The following RSPH3 variants were observed in gnomAD, a reference collection of about 807,000 sequenced individuals.
RSPH3 encodes radial spoke head 3, also known as radial spoke head protein 3 homolog.
In RSPH3, 21 loss-of-function variants were observed where a neutral mutation model predicts 43.8. The observed-to-expected ratio is 0.48, with a 90% CI of 0.34 to 0.69. The LOEUF (loss-of-function observed/expected upper bound fraction) is 0.69, where lower values mean the gene tolerates loss of function less well. Ranked by LOEUF, RSPH3 falls within the 30% of genes least tolerant of loss-of-function variation. The pLI is 0.01. For missense variants in RSPH3, 487 were observed against 516.0 expected (o/e 0.94, Z 0.54); for synonymous variants, 173 against 179.8 (o/e 0.96, Z 0.30).
chr6:158,986,182 A>C, intron 3 of RSPH3, 98 bp downstream of exon 3: 1 of 1,150,326 alleles, frequency 8.7e-7, no homozygotes. Flanking sequence ...CAGAGAGCAC[A>C]GGAGAGGCAT....
Position 158,978,297 on chromosome 6 carries a change from G to T in RSPH3, c.909C>A (p.Thr303=). ...LPWLMNEVEK[T]MEYSMVGRTV... is the part of the protein sequence containing the mutation. Reference sequence around the variant, plus strand: ...TTCTTCCCACCATGCTATATTCCATGGTTTTTTCAACTTCATTCATTAGCC... The same window carrying T: ...TTCTTCCCACCATGCTATATTCCATTGTTTTTTCAACTTCATTCATTAGCC... The change falls in exon 7 of 8, where the codon ACC becomes ACA. Residue 303 remains threonine (T), a synonymous_variant. Transcript: ENST00000367069. 1.3e-6 allele frequency: 2 copies of T among 1,584,844 alleles called. No individual in the cohort carries two copies. Among genetic ancestry groups the T allele is most frequent in the Admixed American group, 1.7e-5 (1 of 59,596 alleles).
rs1778150853 is a variant in RSPH3, at chr6:158,984,440, A to ATATATATATATATATATC, written c.347-634_347-633insGATATATATATATATATA. 3.6e-5 allele frequency among the ~76,000 whole-genome samples: 2 copies of ATATATATATATATATATC among 55,030 alleles called. 1 individual carries two copies. Among genetic ancestry groups the ATATATATATATATATATC allele is most frequent in the Non-Finnish European group, 8.4e-5 (2 of 23,752 alleles). 36.1% of individuals were successfully genotyped at this position (55,030 alleles called of 152,430 possible). A position where few individuals can be genotyped will look rare whatever the true frequency, so the allele number is the denominator to read the frequency against. On this transcript the variant is annotated intron_variant, in intron 3 of 7. Coordinates refer to ENST00000367069, the MANE Select transcript of RSPH3 (RefSeq NM_031924.8). Reference sequence around the variant, plus strand: ...ACAGTGGATAAAAAGTCAATTATATATATATATATATATATATATATATAT... The same window carrying ATATATATATATATATATC: ...ACAGTGGATAAAAAGTCAATTATATATATATATATATATATATCTATATATATATATATATATATATAT...
chr6:158,968,628 T>C (rs1205104461), downstream of RSPH3, among the ~76,000 whole-genome samples: 3 of 152,220 alleles, frequency 2.0e-5, no homozygotes, highest in Non-Finnish European at 4.4e-5. Context: ...TTCAGATTAA[T>C]AGTAATCTAA....
Position 158,980,772 on chromosome 6 carries a change from A to G in RSPH3, c.859+2T>C. 1 of 1,610,912 alleles carries G rather than the reference A, an allele frequency of 6.2e-7. No homozygotes were observed. ...ATTAATCTAACAAAAATATCTACAAACCTCTTTCAATGGGATCATAAAAGT... is the reference window on the plus strand; with the variant it reads ...ATTAATCTAACAAAAATATCTACAAGCCTCTTTCAATGGGATCATAAAAGT... On this transcript the variant is annotated splice_donor_variant, in intron 6 of 7. Transcript: ENST00000367069. LOFTEE classifies it high-confidence loss of function.
In RSPH3 at chr6:158,981,751, C is replaced by T. The variant is rs1252799791; in HGVS notation, c.696+734G>A. 3.3e-5 allele frequency among the ~76,000 whole-genome samples: 5 copies of T among 152,110 alleles called. No homozygotes were observed. The East Asian group carries it at 5.8e-4, about 18-fold the overall frequency. The stretch of plus-strand genomic sequence containing the variant: ...ATTTCCCAACAATTATGCTACTTTT[C>T]ACAGCATAGTAAGTTAGGCCCCTTG... On this transcript the variant is annotated intron_variant, in intron 5 of 7. Transcript: ENST00000367069.
chr6:158,977,471 G>T lies in RSPH3; in HGVS notation c.*67C>A. On this transcript the variant is annotated 3_prime_UTR_variant, in exon 8 of 8. Transcript: ENST00000367069. ...TAATTTCTATAACCTGAGGGGACTC[G>T]CACATCATTACCTGATTGCTTGCTG... The T allele has an allele frequency of 7.3e-7, 1 of 1,374,564 alleles. No individual in the cohort carries two copies. Among genetic ancestry groups the T allele is most frequent in the Non-Finnish European group, 9.9e-7 (1 of 1,008,760 alleles). The allele number at this position is 1,374,564 out of a possible 1,614,324, so 85.1% of individuals were successfully genotyped here.
chr6:158,963,017 T>C, the RSPH3 span, among the ~76,000 whole-genome samples: 2 of 152,160 alleles, frequency 1.3e-5, no homozygotes, highest in Admixed American at 6.5e-5. Context: ...TTTAGAAGAG[T>C]AAAAAATTAG....
At chr6:158,982,742 C>T (rs1778077735) in intron 4 of RSPH3, 54 bp from the exon 5 acceptor site, 3 of 1,231,564 alleles carry the variant, frequency 2.4e-6, no homozygotes, top group East Asian at 2.5e-5. Context: ...ATCAAATGCT[C>T]AACAAAAATA....
chr6:158,997,802 T>C (rs922128594), intron 1 of RSPH3, among the ~76,000 whole-genome samples: 6 of 152,218 alleles, frequency 3.9e-5, no homozygotes, highest in African/African-American at 1.4e-4. Flanking sequence ...AATTTTAAAA[T>C]TGAATCCTTT....
chr6:158,983,907 G>T (rs1778122359), intron 3 of RSPH3, 100 bp from the exon 4 acceptor site: 2 of 784,956 alleles, frequency 2.5e-6, no homozygotes, highest in Non-Finnish European at 4.2e-6. Flanking sequence ...GCCGAGGAGG[G>T]TGCATTACTT....
downstream of RSPH3, among the ~76,000 whole-genome samples, chr6:158,971,378 C>T (rs1390671741): frequency 1.3e-5 from 2 of 152,174 alleles, no homozygotes; most frequent in African/African-American, 2.4e-5. Flanking sequence ...GGCCTGCATT[C>T]ACATTGCTTT....
chr6:158,964,269 T>C, the RSPH3 span, among the ~76,000 whole-genome samples: 1 of 152,198 alleles, frequency 6.6e-6, no homozygotes, highest in Non-Finnish European at 1.5e-5. Context: ...TATAGTATTG[T>C]CTTTATTTTT....
the RSPH3 span, among the ~76,000 whole-genome samples, chr6:158,965,990 T>C: frequency 1.3e-5 from 2 of 152,202 alleles, no homozygotes; most frequent in Non-Finnish European, 2.9e-5. Context: ...AAATGCTGTT[T>C]CTGCATCTAT....
chr6:158,991,116 G>A (rs1392882897), intron 2 of RSPH3, among the ~76,000 whole-genome samples: 1 of 151,976 alleles, frequency 6.6e-6, no homozygotes, highest in African/African-American at 2.4e-5. Flanking sequence ...TGTTTCAAGA[G>A]TGTCTATAAT....
chr6:159,000,067 C>T lies in RSPH3; in HGVS notation c.-517G>A, dbSNP rs1406744926. ...TGGTGTTGGCGCCATTCTCGCAGGCCCACGTGCTCCTGCTCTTCCAGGGTG... is the reference window on the plus strand; with the variant it reads ...TGGTGTTGGCGCCATTCTCGCAGGCTCACGTGCTCCTGCTCTTCCAGGGTG... On this transcript the variant is annotated 5_prime_UTR_variant, in exon 1 of 8. Coordinates refer to ENST00000367069, the MANE Select transcript of RSPH3 (RefSeq NM_031924.8). 1.5e-6 allele frequency: 2 copies of T among 1,300,292 alleles called. No homozygotes were observed. Among genetic ancestry groups the T allele is most frequent in the East Asian group, 2.5e-5 (1 of 39,426 alleles). The allele number at this position is 1,300,292 out of a possible 1,614,324, so 80.5% of individuals were successfully genotyped here.
In RSPH3 at chr6:159,000,129, T is replaced by C; in HGVS notation, c.-579A>G. 1 of 773,892 alleles carries C rather than the reference T, an allele frequency of 1.3e-6. No individual in the cohort carries two copies. The highest frequency in any genetic ancestry group is 1.9e-6 in the Non-Finnish European group (1 of 513,626). The allele number at this position is 773,892 out of a possible 1,614,324, so 47.9% of individuals were successfully genotyped here. On this transcript the variant is annotated 5_prime_UTR_variant, in exon 1 of 8. Coordinates refer to ENST00000367069, the MANE Select transcript of RSPH3 (RefSeq NM_031924.8). ...TTCTCCTGCCGCGGCGCAGCAGCGC[T>C]CCCAGGCTGCCCCCGCGATAACACG...
chr6:158,999,810 G>T lies in RSPH3; in HGVS notation c.-260C>A, dbSNP rs769165749. 6.2e-7 allele frequency: 1 copy of T among 1,613,608 alleles called. No individual in the cohort carries two copies. The highest frequency in any genetic ancestry group is 8.5e-7 in the Non-Finnish European group (1 of 1,179,812). Reference sequence around the variant, plus strand: ...TGCCCAGCAACCCAGGGTTCTGTCTGGGGGCGGGAACTCCGGGCAGTTCCG... The same window carrying T: ...TGCCCAGCAACCCAGGGTTCTGTCTTGGGGCGGGAACTCCGGGCAGTTCCG... On this transcript the variant is annotated 5_prime_UTR_variant, in exon 1 of 8. Transcript: ENST00000367069.
chr6:158,963,506 T>C, the RSPH3 span, among the ~76,000 whole-genome samples: 1 of 133,502 alleles, frequency 7.5e-6, no homozygotes, highest in East Asian at 2.4e-4. Flanking sequence ...CCAGTCTCTT[T>C]CTCTTTCCCT....
At chr6:158,991,636 G>C (rs1778411701) in intron 2 of RSPH3, among the ~76,000 whole-genome samples, 1 of 152,178 alleles carries the variant, frequency 6.6e-6, no homozygotes, top group Non-Finnish European at 1.5e-5. Context: ...GAAAGAGTGG[G>C]GCACTGACTT....
Sources: allele counts gnomAD v4.1 joint callset (sites outside exome capture counted in the v4.1 genomes callset), GRCh38; gene constraint gnomAD v4.1.1; transcripts MANE v1.5; gene names NCBI Gene and HGNC (gene_info 2026-07-23, HGNC 2026-07-21).